The following AUTS2 variants were observed in gnomAD, a reference collection of about 807,000 sequenced individuals.
The protein encoded by AUTS2 is activator of transcription and developmental regulator AUTS2, also known as autism susceptibility gene 2 protein.
AUTS2 carries 17 observed loss-of-function variants against 112.4 expected under a neutral mutation model. The observed-to-expected ratio is 0.15, with a 90% CI of 0.10 to 0.23. The LOEUF (loss-of-function observed/expected upper bound fraction) is 0.23. Among genes scored for constraint, AUTS2 ranks in the 10% least tolerant of loss-of-function variants. AUTS2 has a pLI of 1.00. For synonymous variants in AUTS2, 751 were observed against 702.7 expected, an observed-to-expected ratio of 1.07 and a Z score of -1.09; for missense variants, 1,510 against 1,701.6, an observed-to-expected ratio of 0.89 and a Z score of 1.98.
intron 5 of AUTS2, among the ~76,000 whole-genome samples, chr7:70,477,978 T>C (rs1797646403): frequency 1.3e-5 from 2 of 152,228 alleles, no homozygotes; most frequent in African/African-American, 4.8e-5. Context: ...ACCCTTGATA[T>C]GCCAGCAAGT....
chr7:70,147,314 TA>T (rs2129575874), intron 4 of AUTS2, among the ~76,000 whole-genome samples: 1 of 152,288 alleles, frequency 6.6e-6, no homozygotes, highest in South Asian at 2.1e-4. Context: ...AGGCAGATGT[TA>T]TAACTTTTTC....
At chr7:70,255,860 A>T (rs1664816228) in intron 4 of AUTS2, among the ~76,000 whole-genome samples, 1 of 152,208 alleles carries the variant, frequency 6.6e-6, no homozygotes, top group Admixed American at 6.5e-5. Context: ...ATGCACTAAA[A>T]CAGAGTAAGG....
chr7:70,115,842 G>GAA (rs1554315725), intron 2 of AUTS2, among the ~76,000 whole-genome samples: 2 of 151,998 alleles, frequency 1.3e-5, no homozygotes, highest in Non-Finnish European at 2.9e-5. Context: ...TAGAAAGAAA[G>GAA]AGCTCTTCAA....
At chr7:70,372,399 A>G (rs1419337677) in intron 4 of AUTS2, among the ~76,000 whole-genome samples, 1 of 152,228 alleles carries the variant, frequency 6.6e-6, no homozygotes, top group African/African-American at 2.4e-5. Flanking sequence ...ATGTGCAGTA[A>G]TCCAGGCCTT....
At chr7:69,748,175 A>T (rs182236932) in intron 1 of AUTS2, among the ~76,000 whole-genome samples, 162 of 152,200 alleles carry the variant, frequency 1.1e-3, no homozygotes, top group Middle Eastern at 3.4e-3. Context: ...AAAACAGCTT[A>T]CTGTGTTTGC....
At chr7:70,518,808 A>T (rs1032151838) in intron 5 of AUTS2, among the ~76,000 whole-genome samples, 2 of 152,036 alleles carry the variant, frequency 1.3e-5, no homozygotes, top group African/African-American at 4.8e-5. Flanking sequence ...GATTCAAGCG[A>T]TTCTTGTGCC....
intron 4 of AUTS2, among the ~76,000 whole-genome samples, chr7:70,261,503 G>C (rs987150499): frequency 6.6e-6 from 1 of 152,124 alleles, no homozygotes; most frequent in Admixed American, 6.5e-5. Context: ...GTATAATGAA[G>C]TTGATTTTAA....
intron 2 of AUTS2, among the ~76,000 whole-genome samples, chr7:70,091,926 G>A (rs1584708569): frequency 6.6e-6 from 1 of 152,188 alleles, no homozygotes; most frequent in South Asian, 2.1e-4. Context: ...AAAGAGAAGA[G>A]CCTTAAATAT....
At chr7:70,129,535 G>A (rs898733398) in intron 3 of AUTS2, among the ~76,000 whole-genome samples, 13 of 152,122 alleles carry the variant, frequency 8.5e-5, no homozygotes, top group Admixed American at 3.3e-4. Flanking sequence ...TCACACTCTG[G>A]GGTTCCTGGT....
chr7:69,679,360 A>C (rs1796698035), intron 1 of AUTS2, among the ~76,000 whole-genome samples: 1 of 152,242 alleles, frequency 6.6e-6, no homozygotes, highest in African/African-American at 2.4e-5. Flanking sequence ...ACAATGCCTT[A>C]GCTACATGCC....
At chr7:69,928,501 C>T (rs552541861) in intron 2 of AUTS2, among the ~76,000 whole-genome samples, 17 of 152,344 alleles carry the variant, frequency 1.1e-4, no homozygotes, top group Non-Finnish European at 2.4e-4. Flanking sequence ...CCCTCAGCAG[C>T]TCCAGCCTCC....
chr7:70,650,297 G>A (rs537196536), intron 5 of AUTS2, among the ~76,000 whole-genome samples: 2 of 152,298 alleles, frequency 1.3e-5, no homozygotes, highest in East Asian at 3.9e-4. Context: ...TAATGGGATT[G>A]CCAAGGGTGG....
chr7:70,183,880 G>A (rs1230001671), intron 4 of AUTS2, among the ~76,000 whole-genome samples: 1 of 148,836 alleles, frequency 6.7e-6, no homozygotes, highest in Non-Finnish European at 1.5e-5. Context: ...GTTACCCAGA[G>A]AAAGCTTCAC....
chr7:69,609,497 T>C (rs1169859699), intron 1 of AUTS2, among the ~76,000 whole-genome samples: 1 of 152,178 alleles, frequency 6.6e-6, no homozygotes, highest in African/African-American at 2.4e-5. Context: ...AATATTAGGG[T>C]GGTTTCTCAT....
At chr7:70,147,706 G>T (rs1415575567) in intron 4 of AUTS2, among the ~76,000 whole-genome samples, 1 of 152,028 alleles carries the variant, frequency 6.6e-6, no homozygotes, top group Non-Finnish European at 1.5e-5. Context: ...TTTAAACTTT[G>T]CTTTCTCTGA....
intron 1 of AUTS2, among the ~76,000 whole-genome samples, chr7:69,751,558 G>T (rs1176943826): frequency 6.6e-6 from 1 of 152,154 alleles, no homozygotes; most frequent in Non-Finnish European, 1.5e-5. Context: ...GGTAAGAAGG[G>T]TAGATGAAAG....
At chr7:70,670,313 G>T (rs1363325775) in intron 5 of AUTS2, among the ~76,000 whole-genome samples, 1 of 152,166 alleles carries the variant, frequency 6.6e-6, no homozygotes, top group Non-Finnish European at 1.5e-5. Flanking sequence ...CTTTCTTTCT[G>T]CAGCGTCTTA....
chr7:69,725,584 G>T (rs1786471649), intron 1 of AUTS2, among the ~76,000 whole-genome samples: 1 of 152,148 alleles, frequency 6.6e-6, no homozygotes, highest in African/African-American at 2.4e-5. Context: ...ACATGGAAAT[G>T]GTTTGCTCCT....
At chr7:70,707,649 T>C (rs1374948935) in intron 6 of AUTS2, among the ~76,000 whole-genome samples, 1 of 151,940 alleles carries the variant, frequency 6.6e-6, no homozygotes, top group Non-Finnish European at 1.5e-5. Flanking sequence ...AAACATAAGG[T>C]CCCGGAGGTT....
Sources: allele counts gnomAD v4.1 joint callset (sites outside exome capture counted in the v4.1 genomes callset), GRCh38; gene constraint gnomAD v4.1.1; transcripts MANE v1.5; gene names NCBI Gene and HGNC (gene_info 2026-07-23, HGNC 2026-07-21).